TYRO3: variants seen among roughly 807,000 people sequenced by gnomAD.
The protein encoded by TYRO3 is TYRO3 protein tyrosine kinase.
TYRO3 carries 38 observed loss-of-function variants against 95.2 expected under a neutral mutation model. The ratio of observed to expected loss-of-function variants is 0.40; its 90% CI spans 0.31 to 0.52. TYRO3 has a LOEUF of 0.52. TYRO3 is among the 20% of genes least tolerant of loss of function. The pLI is 0.56. For synonymous variants in TYRO3, 367 were observed against 432.9 expected, an observed-to-expected ratio of 0.85 and a Z score of 1.89; for missense variants, 812 against 1,116.4, an observed-to-expected ratio of 0.73 and a Z score of 3.89.
At chr15:41,566,579 C>A (rs1325166508) in intron 6 of TYRO3, among the ~76,000 whole-genome samples, 1 of 152,138 alleles carries the variant, frequency 6.6e-6, no homozygotes, top group African/African-American at 2.4e-5. Context: ...GATATGACCA[C>A]CTCTAAGCCC....
intron 6 of TYRO3, 82 bp from the exon 7 acceptor site, chr15:41,567,278 C>G: frequency 1.6e-6 from 2 of 1,232,106 alleles, no homozygotes; most frequent in Non-Finnish European, 2.1e-6. Context: ...AGCATTCATT[C>G]AAGCACCCAT....
intron 15 of TYRO3, 84 bp downstream of exon 15, chr15:41,572,648 G>T: frequency 7.1e-7 from 1 of 1,405,832 alleles, no homozygotes; most frequent in Non-Finnish European, 9.7e-7. Context: ...GGCAGAGAGG[G>T]GCTTGCTGGG....
At position 41,570,079 on chromosome 15, in the gene TYRO3, T is replaced by G. The variant is rs780093386; in HGVS notation, c.1305T>G (p.Gly435=). 3 of 1,614,032 alleles carry G rather than the reference T, an allele frequency of 1.9e-6. No homozygotes were observed. The highest frequency in any genetic ancestry group is 1.7e-5 in the Admixed American group (1 of 60,024). ...SRTSWVPVVL[G]VLTALVTAAA... ...CATCCTGGGTACCTGTGGTCCTTGG[T>G]GTGCTAACGGCCCTGGTGACGGCTG... Residue 435 remains glycine, a synonymous_variant, in exon 10 of 19, where the codon GGT becomes GGG. Transcript: ENST00000263798.
At position 41,579,742 on chromosome 15, in the gene TYRO3, T is replaced by C. The variant is rs1375260461; in HGVS notation, c.*1466T>C. The C allele has an allele frequency of 2.0e-5, 3 of 151,148 alleles. No homozygotes were observed. The highest frequency in any genetic ancestry group is 4.4e-5 in the Non-Finnish European group (3 of 67,838). 9.4% of individuals were successfully genotyped at this position (151,148 alleles called of 1,614,324 possible). ...AAGTCTGGAAAGACATATGCCAAAA[T>C]GTTAACAGCTGTTATCTTTTTTTTT... On this transcript the variant is annotated 3_prime_UTR_variant, in exon 19 of 19. Coordinates refer to ENST00000263798, the MANE Select transcript of TYRO3 (RefSeq NM_006293.4).
rs1449401455 is a variant in TYRO3 at position 41,562,583 on chromosome 15, G to T, written c.445G>T (p.Ala149Ser). ...PFFTVEPKDLAVPPNAPFQLS... is the reference protein window; with the variant it reads ...PFFTVEPKDLSVPPNAPFQLS... ...TTTCACAGTGGAGCCAAAAGATCTG[G>T]CAGTGCCACCCAATGCCCCTTTCCA... The change falls in exon 4 of 19, where the codon GCA (alanine) becomes TCA (serine). Residue 149 changes from alanine to serine, a missense_variant. Coordinates refer to ENST00000263798, the MANE Select transcript of TYRO3 (RefSeq NM_006293.4). The T allele has an allele frequency of 5.0e-6, 8 of 1,613,100 alleles. No homozygotes were observed. The highest frequency in any genetic ancestry group is 1.3e-5 in the African/African-American group (1 of 74,884).
Position 41,573,472 on chromosome 15 carries a change from GC to G in TYRO3, c.2145+6del. ...TATACTGTGCAGAGTGACGTGGTGAGCAGGGTGGCCCGTGAAGCTTGGTGGG... is the reference window on the plus strand; with the variant it reads ...TATACTGTGCAGAGTGACGTGGTGAGAGGGTGGCCCGTGAAGCTTGGTGGG... On this transcript the variant is annotated splice_donor_region_variant and intron_variant, in intron 17 of 18. Transcript: ENST00000263798. 2.9e-6 allele frequency: 3 copies of G among 1,043,780 alleles called. No homozygotes were observed. Among genetic ancestry groups the G allele is most frequent in the Non-Finnish European group, 4.2e-6 (3 of 715,302 alleles). 64.7% of individuals were successfully genotyped at this position (1,043,780 alleles called of 1,614,324 possible).
rs1457392317 is a variant in TYRO3 at position 41,570,128 on chromosome 15, CGAAAGAGACG to C, written c.1365_1374del (p.Lys456GlyfsTer46). ...TGCTGCCCTGGCCCTCATCCTGCTT[CGAAAGAGACG>C]GAAAGAGACGCGGTTTGGGTAAGGG... On this transcript the variant is annotated frameshift_variant, in exon 10 of 19. Transcript: ENST00000263798. LOFTEE classifies it high-confidence loss of function. 1 of 1,614,028 alleles carries C rather than the reference CGAAAGAGACG, an allele frequency of 6.2e-7. No homozygotes were observed. The highest frequency in any genetic ancestry group is 8.5e-7 in the Non-Finnish European group (1 of 1,180,038).
chr15:41,559,435 C>T, intron 1 of TYRO3, 54 bp downstream of exon 1: 1 of 238,392 alleles, frequency 4.2e-6, no homozygotes, highest in South Asian at 1.5e-4. Flanking sequence ...AGGGGCGCGG[C>T]CGGGGGTCGG....
At chr15:41,564,525 G>A (rs564614409) in intron 5 of TYRO3, among the ~76,000 whole-genome samples, 5 of 152,296 alleles carry the variant, frequency 3.3e-5, no homozygotes, top group Admixed American at 2.6e-4. Flanking sequence ...GAGGGAAGGA[G>A]GGAGGGAGGC....
chr15:41,573,857 CTG>C (rs779850431), intron 18 of TYRO3, 42 bp downstream of exon 18: 1 of 1,363,346 alleles, frequency 7.3e-7, no homozygotes, highest in South Asian at 1.3e-5. Flanking sequence ...AAAGGGGAAT[CTG>C]GAGTTTTGGC....
At position 41,578,406 on chromosome 15, in the gene TYRO3, G is replaced by T. The variant is rs1163098760; in HGVS notation, c.*130G>T. 5 of 1,242,734 alleles carry T rather than the reference G, an allele frequency of 4.0e-6. No individual in the cohort carries two copies. Among genetic ancestry groups the T allele is most frequent in the Non-Finnish European group, 5.5e-6 (5 of 902,008 alleles). 77.0% of individuals were successfully genotyped at this position (1,242,734 alleles called of 1,614,324 possible). On this transcript the variant is annotated 3_prime_UTR_variant, in exon 19 of 19. Coordinates refer to ENST00000263798, the MANE Select transcript of TYRO3 (RefSeq NM_006293.4). ...TCCTGTGGTAGTCCTCCCAAGCTGT[G>T]CTGGGAAGCCCGGACTGACCAAATC...
intron 4 of TYRO3, among the ~76,000 whole-genome samples, 163 bp downstream of exon 4, chr15:41,562,881 G>A (rs924277896): frequency 2.0e-5 from 3 of 152,246 alleles, no homozygotes; most frequent in Non-Finnish European, 4.4e-5. Context: ...TTAGTCAGGT[G>A]TGCTAGGCTG....
chr15:41,571,103 G>C lies in TYRO3; in HGVS notation c.1645G>C (p.Val549Leu), dbSNP rs1482550882. ...QEDGSFVKVA[V>L]KMLKADIIAS... The stretch of plus-strand genomic sequence containing the variant: ...GGATGGCTCCTTTGTGAAAGTGGCT[G>C]TGAAGATGCTGAAAGGTGAGTGGGG... Residue 549 changes from valine (V) to leucine (L), a missense_variant, in exon 13 of 19, where the codon GTG becomes CTG. Physicochemically the swap from Val to Leu is conservative, Grantham distance 32 (BLOSUM62 1). Coordinates refer to ENST00000263798, the MANE Select transcript of TYRO3 (RefSeq NM_006293.4). 5 of 1,613,976 alleles carry C rather than the reference G, an allele frequency of 3.1e-6. No homozygotes were observed. In the South Asian group the frequency reaches 5.5e-5, roughly 18 times the overall value.
Position 41,577,933 on chromosome 15 carries a change from C to T in TYRO3, c.2330C>T (p.Pro777Leu), listed in dbSNP as rs1208156389. ...QCWSADPKQR[P>L]SFTCLRMELE... is the part of the protein sequence containing the mutation. Reference sequence around the variant, plus strand: ...TGGAGTGCTGACCCCAAGCAGCGCCCGAGCTTTACTTGTCTGCGAATGGAA... The same window carrying T: ...TGGAGTGCTGACCCCAAGCAGCGCCTGAGCTTTACTTGTCTGCGAATGGAA... Residue 777 changes from proline (P) to leucine (L), a missense_variant, in exon 19 of 19, where the codon CCG becomes CTG. By Grantham distance (98) the Pro-to-Leu change is moderately conservative. Transcript: ENST00000263798. 1.4e-5 allele frequency: 23 copies of T among 1,613,130 alleles called. No individual in the cohort carries two copies. The highest frequency in any genetic ancestry group is 1.8e-4 in the Middle Eastern group (1 of 5,438).
intron 17 of TYRO3, 34 bp downstream of exon 17, chr15:41,573,501 C>T (rs759309371): frequency 3.1e-5 from 44 of 1,431,800 alleles, no homozygotes; most frequent in Middle Eastern, 3.8e-4. Context: ...TTGGTGGGGA[C>T]GAGTGTGAGA....
Position 41,570,044 on chromosome 15 carries a change from C to G in TYRO3, c.1270C>G (p.His424Asp). 6.2e-7 allele frequency: 1 copy of G among 1,613,306 alleles called. No individual in the cohort carries two copies. Among genetic ancestry groups the G allele is most frequent in the Non-Finnish European group, 8.5e-7 (1 of 1,180,040 alleles). The change falls in exon 10 of 19, where the codon CAC becomes GAC. Residue 424 changes from histidine to aspartate, a missense_variant. Coordinates refer to ENST00000263798, the MANE Select transcript of TYRO3 (RefSeq NM_006293.4). ...TCCCACAGGCCAGCAGGGCCCTCCT[C>G]ACAGCCGCACATCCTGGGTACCTGT... The part of the protein sequence containing the change: ...HDRAGQQGPP[H>D]SRTSWVPVVL...
chr15:41,564,046 G>A (rs1350470872), intron 4 of TYRO3, 138 bp from the exon 5 acceptor site: 31 of 757,506 alleles, frequency 4.1e-5, no homozygotes, highest in Non-Finnish European at 6.1e-5. Context: ...TCATTTCACC[G>A]TACCTCACTG....
At chr15:41,563,324 G>C (rs190520311) in intron 4 of TYRO3, among the ~76,000 whole-genome samples, 1 of 152,290 alleles carries the variant, frequency 6.6e-6, no homozygotes, top group African/African-American at 2.4e-5. Context: ...TGCTTGTAAG[G>C]CTTGCTTATT....
chr15:41,573,023 A>T lies in TYRO3; in HGVS notation c.1897A>T (p.Ile633Phe). Residue 633 changes from isoleucine (I) to phenylalanine (F), a missense_variant, in exon 16 of 19, where the codon ATC (isoleucine) becomes TTC (phenylalanine). Coordinates refer to ENST00000263798, the MANE Select transcript of TYRO3 (RefSeq NM_006293.4). ...CTAGAACCTACCCCTCCAGACCCTG[A>T]TCCGGTTCATGGTGGACATTGCCTG... is the stretch of plus-strand genomic sequence containing the variant. ...NPFNLPLQTLIRFMVDIACGM... is the reference protein window; with the variant it reads ...NPFNLPLQTLFRFMVDIACGM... 6.2e-7 allele frequency: 1 copy of T among 1,614,082 alleles called. No individual in the cohort carries two copies. The highest frequency in any genetic ancestry group is 1.1e-5 in the South Asian group (1 of 91,066).
Sources: allele counts gnomAD v4.1 joint callset (sites outside exome capture counted in the v4.1 genomes callset), GRCh38; gene constraint gnomAD v4.1.1; transcripts MANE v1.5; gene names NCBI Gene and HGNC (gene_info 2026-07-23, HGNC 2026-07-21).